CUL2: variants seen among roughly 807,000 people sequenced by gnomAD.
The protein encoded by CUL2 is cullin-2.
CUL2 carries 22 observed loss-of-function variants against 110.2 expected under a neutral mutation model. That is an observed-to-expected ratio of 0.20 (90% CI 0.14 to 0.28). The LOEUF is 0.28. Among genes scored for constraint, CUL2 ranks in the 10% least tolerant of loss-of-function variants. CUL2 has a pLI of 1.00. For missense variants in CUL2, 631 were observed against 905.5 expected (o/e 0.70, Z 3.89); for synonymous variants, 279 against 293.2 (o/e 0.95, Z 0.49).
intron 1 of CUL2, among the ~76,000 whole-genome samples, chr10:35,082,846 A>C (rs146467338): frequency 6.6e-5 from 10 of 152,282 alleles, no homozygotes; most frequent in Non-Finnish European, 1.2e-4. Context: ...TTTGGTAACT[A>C]TACACTTACA....
At chr10:35,116,042 G>A (rs1032124128) in intron 1 of CUL2, among the ~76,000 whole-genome samples, 4 of 151,704 alleles carry the variant, frequency 2.6e-5, no homozygotes, top group African/African-American at 9.7e-5. Flanking sequence ...GACATTAAAG[G>A]ATAAAAAAAA....
intron 16 of CUL2, among the ~76,000 whole-genome samples, chr10:35,027,143 CTTT>C (rs35508150): frequency 1.8e-4 from 23 of 127,556 alleles, no homozygotes; most frequent in African/African-American, 5.7e-4. Flanking sequence ...ACTTTAGATA[CTTT>C]TTTTTTTTTT....
intron 17 of CUL2, among the ~76,000 whole-genome samples, chr10:35,023,584 A>G (rs903074782): frequency 6.6e-6 from 1 of 151,470 alleles, no homozygotes; most frequent in African/African-American, 2.5e-5. Flanking sequence ...TTTTCTTCTT[A>G]TACACCACTG....
At chr10:35,097,494 A>G (rs2087316072) in intron 2 of CUL2, among the ~76,000 whole-genome samples, 1 of 148,088 alleles carries the variant, frequency 6.8e-6, no homozygotes, top group African/African-American at 2.5e-5. Context: ...CCTGTCTCAA[A>G]AAAAAAAAAA....
At chr10:35,032,140 A>C (rs2085495040) in intron 12 of CUL2, among the ~76,000 whole-genome samples, 1 of 152,178 alleles carries the variant, frequency 6.6e-6, no homozygotes, top group African/African-American at 2.4e-5. Flanking sequence ...GGTTACCCAA[A>C]CTTTATCATC....
intron 5 of CUL2, among the ~76,000 whole-genome samples, chr10:35,051,285 C>T (rs1418431538): frequency 7.2e-6 from 1 of 137,972 alleles, no homozygotes; most frequent in African/African-American, 2.7e-5. Context: ...ACTGCACTCC[C>T]GCCCAGGTGA....
At chr10:35,106,933 C>G (rs1399706677) in intron 1 of CUL2, among the ~76,000 whole-genome samples, 1 of 151,010 alleles carries the variant, frequency 6.6e-6, no homozygotes, top group East Asian at 1.9e-4. Context: ...TAAATTATGT[C>G]TGCATTGCCC....
intron 5 of CUL2, among the ~76,000 whole-genome samples, chr10:35,052,129 C>A (rs1304731093): frequency 6.6e-6 from 1 of 152,154 alleles, no homozygotes; most frequent in African/African-American, 2.4e-5. Context: ...TCTTTTTCCA[C>A]CCTAACTACA....
intron 1 of CUL2, among the ~76,000 whole-genome samples, chr10:35,076,615 G>A (rs1020974543): frequency 6.6e-6 from 1 of 152,032 alleles, no homozygotes; most frequent in African/African-American, 2.4e-5. Flanking sequence ...GGCAATAAAT[G>A]TTATATGTTC....
intron 8 of CUL2, among the ~76,000 whole-genome samples, chr10:35,043,202 A>G (rs1255761427): frequency 6.6e-6 from 1 of 152,150 alleles, no homozygotes; most frequent in Non-Finnish European, 1.5e-5. Flanking sequence ...GGCTACTGCC[A>G]CCACTTGCCA....
intron 1 of CUL2, among the ~76,000 whole-genome samples, chr10:35,111,141 G>A (rs570130276): frequency 1.3e-5 from 2 of 152,288 alleles, no homozygotes; most frequent in African/African-American, 4.8e-5. Flanking sequence ...TTTTTGGCCT[G>A]AGCAACTTGG....
Position 35,122,622 on chromosome 10 carries a change from C to CTTATT in CUL2, c.-51+3978_-51+3982dup, listed in dbSNP as rs58799123. 3.9e-3 allele frequency among the ~76,000 whole-genome samples: 589 copies of CTTATT among 151,972 alleles called. 6 individuals carry two copies. The highest frequency in any genetic ancestry group is 0.013 in the African/African-American group (532 of 41,426). Reference sequence around the variant, plus strand: ...TTGTGAGGCAGGTAGTAATAATATCCTTATTTTATTTTATTTTATTTATTT... The same window carrying CTTATT: ...TTGTGAGGCAGGTAGTAATAATATCCTTATTTTATTTTATTTTATTTTATTTATTT... On this transcript the variant is annotated intron_variant, in intron 1 of 5. Transcript: ENST00000685421.
intron 14 of CUL2, 72 bp from the exon 15 acceptor site, chr10:35,029,712 G>T: frequency 8.8e-7 from 1 of 1,140,922 alleles, no homozygotes; most frequent in Non-Finnish European, 1.2e-6. Flanking sequence ...ATAATAATGT[G>T]TCGGTATTGC....
chr10:35,035,168 T>A lies in CUL2; in HGVS notation c.1002+4A>T. On this transcript the variant is annotated splice_donor_region_variant and intron_variant, in intron 10 of 20. Transcript: ENST00000374749. ...AAAACATTGCAGTTTCCCACACAAC[T>A]CACGTTTTCCTGAGTAAGGTTGCTG... is the stretch of plus-strand genomic sequence containing the variant. 6.2e-7 allele frequency: 1 copy of A among 1,614,142 alleles called. No homozygotes were observed.
intron 1 of CUL2, among the ~76,000 whole-genome samples, chr10:35,082,445 T>A (rs1339608573): frequency 1.3e-5 from 2 of 152,128 alleles, no homozygotes; most frequent in East Asian, 3.8e-4. Context: ...TTCTGTCTAG[T>A]AACGAAAAAG....
chr10:35,126,992 T>A (rs1393565844), upstream of CUL2: 1 of 152,424 alleles, frequency 6.6e-6, no homozygotes, highest in Non-Finnish European at 1.5e-5. Context: ...TTCGGTCGGC[T>A]GCAGCGCTAC....
At chr10:35,039,440 A>G (rs1384263787) in intron 8 of CUL2, among the ~76,000 whole-genome samples, 1 of 152,230 alleles carries the variant, frequency 6.6e-6, no homozygotes. Flanking sequence ...ATGAATAACT[A>G]TCAAACTAAA....
intron 2 of CUL2, among the ~76,000 whole-genome samples, chr10:35,065,948 G>A (rs1269366835): frequency 6.6e-6 from 1 of 152,094 alleles, no homozygotes; most frequent in East Asian, 1.9e-4. Context: ...ATTTTTTAGG[G>A]AGCCAGAATA....
chr10:35,077,161 C>T (rs1230533318), intron 1 of CUL2, among the ~76,000 whole-genome samples: 1 of 151,866 alleles, frequency 6.6e-6, no homozygotes, highest in Non-Finnish European at 1.5e-5. Context: ...TATTATTTGG[C>T]AATACGAGGA....
Sources: gnomAD v4.1 joint callset for allele counts (sites outside exome capture counted in the v4.1 genomes callset) on GRCh38, gnomAD v4.1.1 for gene constraint, MANE v1.5 for transcripts, NCBI Gene and HGNC (gene_info 2026-07-23, HGNC 2026-07-21) for gene names.